NPAS3: variants seen among roughly 807,000 people sequenced by gnomAD.
NPAS3 encodes the protein neuronal PAS domain protein 3.
Under a neutral mutation model 73.1 loss-of-function variants are expected in NPAS3, and 14 were observed. The ratio of observed to expected loss-of-function variants is 0.19; its 90% CI spans 0.13 to 0.30. The LOEUF is 0.30. Among genes scored for constraint, NPAS3 ranks in the 10% least tolerant of loss-of-function variants. The probability of loss-of-function intolerance (pLI) is 1.00; values close to 1 mark genes in which losing one functional copy is unlikely to be tolerated. For synonymous variants in NPAS3, 620 were observed against 541.5 expected (o/e 1.14, Z -2.01); for missense variants, 1,096 against 1,250.0 (o/e 0.88, Z 1.86).
intron 3 of NPAS3, among the ~76,000 whole-genome samples, chr14:33,250,115 G>A (rs181723822): frequency 6.6e-6 from 1 of 152,250 alleles, no homozygotes; most frequent in African/African-American, 2.4e-5. Flanking sequence ...GGGGTAGGTA[G>A]ATAATGAGAG....
At chr14:33,157,576 C>T (rs2044692849) in intron 2 of NPAS3, among the ~76,000 whole-genome samples, 1 of 152,108 alleles carries the variant, frequency 6.6e-6, no homozygotes, top group Non-Finnish European at 1.5e-5. Flanking sequence ...TATTTATATG[C>T]ATTCTTTTTG....
At chr14:33,156,162 T>G (rs1021041087) in intron 2 of NPAS3, among the ~76,000 whole-genome samples, 1 of 152,200 alleles carries the variant, frequency 6.6e-6, no homozygotes, top group Non-Finnish European at 1.5e-5. Context: ...GATTTCATGG[T>G]AGTTATAGTA....
At chr14:33,601,689 C>T (rs1035829825) in intron 5 of NPAS3, among the ~76,000 whole-genome samples, 5 of 152,136 alleles carry the variant, frequency 3.3e-5, no homozygotes, top group African/African-American at 4.8e-5. Flanking sequence ...GCTGAATGTG[C>T]GTGCTCAAAT....
At chr14:33,096,410 T>C (rs2042420914) in intron 2 of NPAS3, among the ~76,000 whole-genome samples, 2 of 152,192 alleles carry the variant, frequency 1.3e-5, no homozygotes, top group African/African-American at 4.8e-5. Context: ...TGATGTAATA[T>C]GCAAATCATA....
intron 2 of NPAS3, among the ~76,000 whole-genome samples, chr14:33,067,407 G>T (rs538608195): frequency 1.3e-5 from 2 of 152,370 alleles, no homozygotes; most frequent in African/African-American, 4.8e-5. Flanking sequence ...CCCCCTTGGG[G>T]ATTTCATCTG....
chr14:33,636,737 T>G (rs2058528723), intron 5 of NPAS3, among the ~76,000 whole-genome samples: 1 of 152,144 alleles, frequency 6.6e-6, no homozygotes. Context: ...GGCTGTGAAA[T>G]TCCAGAAACC....
At chr14:33,590,678 C>G (rs762647129) in intron 5 of NPAS3, among the ~76,000 whole-genome samples, 3 of 152,126 alleles carry the variant, frequency 2.0e-5, no homozygotes, top group Non-Finnish European at 4.4e-5. Flanking sequence ...AACCCCCAAT[C>G]CACATCAATC....
chr14:33,122,874 C>T (rs1232413439), intron 2 of NPAS3, among the ~76,000 whole-genome samples: 1 of 151,998 alleles, frequency 6.6e-6, no homozygotes, highest in African/African-American at 2.4e-5. Context: ...GGTAAGAGAT[C>T]AACTACAGAT....
chr14:33,451,877 C>G (rs2049806957), intron 4 of NPAS3, among the ~76,000 whole-genome samples: 1 of 152,186 alleles, frequency 6.6e-6, no homozygotes, highest in South Asian at 2.1e-4. Context: ...TATAAAAAGA[C>G]TGTTCTGAGT....
intron 11 of NPAS3, among the ~76,000 whole-genome samples, chr14:33,798,591 G>A (rs1192092172): frequency 6.6e-6 from 1 of 152,144 alleles, no homozygotes; most frequent in Admixed American, 6.5e-5. Context: ...CTCCAGCATT[G>A]TAAACATGTA....
At chr14:33,672,769 C>T (rs547241526) in intron 5 of NPAS3, among the ~76,000 whole-genome samples, 1 of 151,554 alleles carries the variant, frequency 6.6e-6, no homozygotes, top group South Asian at 2.1e-4. Context: ...GACAGTTGGG[C>T]TTACAGCCCT....
At chr14:32,968,336 A>G (rs976179022) in intron 1 of NPAS3, among the ~76,000 whole-genome samples, 7 of 152,206 alleles carry the variant, frequency 4.6e-5, no homozygotes, top group African/African-American at 1.7e-4. Flanking sequence ...AAATCACACT[A>G]TACCTTATAA....
intron 3 of NPAS3, among the ~76,000 whole-genome samples, chr14:33,308,135 T>C (rs2042833257): frequency 6.6e-6 from 1 of 152,160 alleles, no homozygotes; most frequent in Admixed American, 6.5e-5. Flanking sequence ...AATGATCTAA[T>C]GGACCAGTGC....
chr14:33,226,054 A>C, intron 3 of NPAS3, among the ~76,000 whole-genome samples: 1 of 152,226 alleles, frequency 6.6e-6, no homozygotes, highest in South Asian at 2.1e-4. Flanking sequence ...TTCAATAGCT[A>C]TCCATAGATG....
chr14:33,393,018 G>T (rs2047074088), intron 4 of NPAS3, among the ~76,000 whole-genome samples: 1 of 152,026 alleles, frequency 6.6e-6, no homozygotes. Context: ...CCTCTTTTGT[G>T]ATACTGCTGA....
intron 2 of NPAS3, among the ~76,000 whole-genome samples, chr14:33,204,904 A>G (rs2046767035): frequency 6.6e-6 from 1 of 152,048 alleles, no homozygotes; most frequent in Non-Finnish European, 1.5e-5. Flanking sequence ...GTGGCATTTG[A>G]TAGCACTATT....
chr14:33,169,924 T>C (rs906478167), intron 2 of NPAS3, among the ~76,000 whole-genome samples: 1 of 152,252 alleles, frequency 6.6e-6, no homozygotes, highest in African/African-American at 2.4e-5. Context: ...GGAAAACTTT[T>C]CTTTACATCA....
intron 4 of NPAS3, among the ~76,000 whole-genome samples, chr14:33,406,459 A>C (rs2138823679): frequency 6.6e-6 from 1 of 152,214 alleles, no homozygotes; most frequent in South Asian, 2.1e-4. Flanking sequence ...TCCTGACTTA[A>C]GTGTCTATGA....
chr14:33,316,115 A>C (rs977037232), intron 3 of NPAS3, among the ~76,000 whole-genome samples: 7 of 152,078 alleles, frequency 4.6e-5, no homozygotes, highest in African/African-American at 1.7e-4. Context: ...TTTTAAGTAG[A>C]ATTAACGATT....
Sources: gnomAD v4.1 joint callset for allele counts (sites outside exome capture counted in the v4.1 genomes callset) on GRCh38, gnomAD v4.1.1 for gene constraint, MANE v1.5 for transcripts, NCBI Gene and HGNC (gene_info 2026-07-23, HGNC 2026-07-21) for gene names.